Variants in CDYL2 observed in about 807,000 individuals in gnomAD.
CDYL2 encodes chromodomain Y-like protein 2.
Under a neutral mutation model 49.4 loss-of-function variants are expected in CDYL2, and 23 were observed. The observed-to-expected ratio is 0.47, with a 90% CI of 0.34 to 0.66. The LOEUF (loss-of-function observed/expected upper bound fraction) is 0.66, where lower values mean the gene tolerates loss of function less well. Ranked by LOEUF, CDYL2 falls within the 30% of genes least tolerant of loss-of-function variation. The probability of loss-of-function intolerance (pLI) is 0.01; values close to 1 mark genes in which losing one functional copy is unlikely to be tolerated. For synonymous variants in CDYL2, 360 were observed against 268.8 expected, an observed-to-expected ratio of 1.34 and a Z score of -3.32; for missense variants, 678 against 656.4, an observed-to-expected ratio of 1.03 and a Z score of -0.36.
intron 2 of CDYL2, among the ~76,000 whole-genome samples, chr16:80,657,525 T>C (rs1023478475): frequency 6.6e-6 from 1 of 152,000 alleles, no homozygotes; most frequent in Non-Finnish European, 1.5e-5. Flanking sequence ...ATAGAAGAAA[T>C]GGCTCCAAAT....
In CDYL2 at chr16:80,698,545, T is replaced by C. The variant is rs114039568; in HGVS notation, c.25-13416A>G. 4.1e-3 allele frequency among the ~76,000 whole-genome samples: 621 copies of C among 152,304 alleles called. 8 individuals are homozygous for C. The highest frequency in any genetic ancestry group is 0.014 in the African/African-American group (587 of 41,570). ...CTTGCCCAAATCTCATGCTGAATTA[T>C]AATCCCCAGTGTTAGAGGTGGGGCT... On this transcript the variant is annotated intron_variant, in intron 1 of 6. Coordinates refer to ENST00000570137, the MANE Select transcript of CDYL2 (RefSeq NM_152342.4).
rs1250628433 is a variant in CDYL2 at position 80,748,723 on chromosome 16, A to G, written c.24+55427T>C. Among the ~76,000 whole-genome samples, 7 of 152,098 alleles carry G rather than the reference A, an allele frequency of 4.6e-5. No individual in the cohort carries two copies. In the East Asian group the frequency reaches 1.4e-3, roughly 29 times the overall value. On this transcript the variant is annotated intron_variant, in intron 1 of 6. Transcript: ENST00000570137. The stretch of plus-strand genomic sequence containing the variant: ...CTCACCCACCATCTGGCCCAACACC[A>G]CAACCACCACCAACAACAACCTCAT...
At chr16:80,695,070 A>C in intron 1 of CDYL2, among the ~76,000 whole-genome samples, 1 of 152,280 alleles carries the variant, frequency 6.6e-6, no homozygotes, top group Non-Finnish European at 1.5e-5. Flanking sequence ...TGATATAAAC[A>C]GGTGAATTAA....
intron 2 of CDYL2, among the ~76,000 whole-genome samples, chr16:80,662,291 T>G (rs545819389): frequency 6.6e-6 from 1 of 152,258 alleles, no homozygotes; most frequent in Admixed American, 6.5e-5. Flanking sequence ...TAGTAACACC[T>G]TGTGTGGCTT....
chr16:80,648,364 T>C (rs1008348790), intron 2 of CDYL2, among the ~76,000 whole-genome samples: 2 of 152,282 alleles, frequency 1.3e-5, no homozygotes, highest in Admixed American at 6.5e-5. Flanking sequence ...CAGTGGCTAC[T>C]ATGAGCAATT....
chr16:80,800,788 C>T (rs534812233), intron 1 of CDYL2, among the ~76,000 whole-genome samples: 8 of 152,230 alleles, frequency 5.3e-5, no homozygotes, highest in African/African-American at 9.6e-5. Context: ...AGTAATTGAA[C>T]GTACAAGCAG....
At chr16:80,724,443 A>C (rs1905101919) in intron 1 of CDYL2, among the ~76,000 whole-genome samples, 1 of 151,968 alleles carries the variant, frequency 6.6e-6, no homozygotes, top group Non-Finnish European at 1.5e-5. Flanking sequence ...TCAAAGAAAA[A>C]ATCTGTAAAA....
At chr16:80,634,037 G>A (rs1907699442) in intron 2 of CDYL2, among the ~76,000 whole-genome samples, 1 of 151,626 alleles carries the variant, frequency 6.6e-6, no homozygotes, top group Non-Finnish European at 1.5e-5. Context: ...ATAGGAAGAG[G>A]CTCAAATGTG....
At chr16:80,693,785 G>A (rs1032010910) in intron 1 of CDYL2, among the ~76,000 whole-genome samples, 20 of 152,202 alleles carry the variant, frequency 1.3e-4, no homozygotes, top group Admixed American at 8.5e-4. Flanking sequence ...AAAAACCACA[G>A]AGCTGTAGAC....
At chr16:80,622,935 G>A (rs1907147243) in intron 3 of CDYL2, among the ~76,000 whole-genome samples, 1 of 152,158 alleles carries the variant, frequency 6.6e-6, no homozygotes, top group African/African-American at 2.4e-5. Context: ...CCCCTTGTGA[G>A]GTGGGCATTA....
rs886230413 is a variant in CDYL2 at position 80,600,341 on chromosome 16, G to A, written c.*4047C>T. 1 of 152,076 alleles carries A rather than the reference G, an allele frequency of 6.6e-6. No homozygotes were observed. Among genetic ancestry groups the A allele is most frequent in the African/African-American group, 2.4e-5 (1 of 41,406 alleles). The allele number at this position is 152,076 out of a possible 1,614,324, so 9.4% of individuals were successfully genotyped here. A position where few individuals can be genotyped will look rare whatever the true frequency, so the allele number is the denominator to read the frequency against. ...AAAACGCATATCCTAACTTATCACA[G>A]AAATATAAAAGTTTATATTTTGAAA... On this transcript the variant is annotated 3_prime_UTR_variant, in exon 7 of 7. Coordinates refer to ENST00000570137, the MANE Select transcript of CDYL2 (RefSeq NM_152342.4).
chr16:80,748,122 A>AATAAT (rs1215575610), intron 1 of CDYL2, among the ~76,000 whole-genome samples: 1 of 136,018 alleles, frequency 7.4e-6, no homozygotes, highest in Non-Finnish European at 1.6e-5. Flanking sequence ...TGGGAAGATT[A>AATAAT]AATAATAATA....
chr16:80,702,383 A>G (rs1455195358), intron 1 of CDYL2, among the ~76,000 whole-genome samples: 1 of 152,204 alleles, frequency 6.6e-6, no homozygotes, highest in East Asian at 1.9e-4. Flanking sequence ...TAAAATAGAA[A>G]AAAATTAAGT....
chr16:80,680,035 G>A (rs1456844526), intron 2 of CDYL2, among the ~76,000 whole-genome samples: 1 of 152,200 alleles, frequency 6.6e-6, no homozygotes, highest in East Asian at 1.9e-4. Context: ...GTTTCCAACT[G>A]CCTTTAAAAC....
chr16:80,699,522 G>A (rs905413766), intron 1 of CDYL2, among the ~76,000 whole-genome samples: 1 of 98,976 alleles, frequency 1.0e-5, no homozygotes, highest in African/African-American at 3.0e-5. Context: ...AGAATAGCAC[G>A]AACAGAGGAT....
chr16:80,698,380 G>A (rs1168074642), intron 1 of CDYL2, among the ~76,000 whole-genome samples: 1 of 152,158 alleles, frequency 6.6e-6, no homozygotes, highest in South Asian at 2.1e-4. Context: ...TTAATATCCA[G>A]AATATACAAG....
intron 1 of CDYL2, among the ~76,000 whole-genome samples, chr16:80,795,272 T>G (rs1907736670): frequency 6.6e-6 from 1 of 152,160 alleles, no homozygotes; most frequent in Non-Finnish European, 1.5e-5. Flanking sequence ...ATGTTGAAAC[T>G]TCTGTAAGTC....
chr16:80,659,157 T>C (rs896025172), intron 2 of CDYL2, among the ~76,000 whole-genome samples: 1 of 152,142 alleles, frequency 6.6e-6, no homozygotes, highest in Non-Finnish European at 1.5e-5. Context: ...AAGAGCATCA[T>C]ATCAGCTAGT....
chr16:80,658,928 G>C (rs960139182), intron 2 of CDYL2, among the ~76,000 whole-genome samples: 1 of 152,216 alleles, frequency 6.6e-6, no homozygotes, highest in Non-Finnish European at 1.5e-5. Flanking sequence ...ATATAAGGCA[G>C]CTTGAAGGGG....
Sources: gnomAD v4.1 joint callset for allele counts (sites outside exome capture counted in the v4.1 genomes callset) on GRCh38, gnomAD v4.1.1 for gene constraint, MANE v1.5 for transcripts, NCBI Gene and HGNC (gene_info 2026-07-23, HGNC 2026-07-21) for gene names.